The following SMG6 variants were observed in gnomAD, a reference collection of about 807,000 sequenced individuals.
The protein encoded by SMG6 is SMG6 nonsense mediated mRNA decay factor.
SMG6 carries 66 observed loss-of-function variants against 142.2 expected under a neutral mutation model. That is an observed-to-expected ratio of 0.46 (90% CI 0.38 to 0.57). The LOEUF (loss-of-function observed/expected upper bound fraction) is 0.57. SMG6 is among the 20% of genes least tolerant of loss of function. The pLI is 0.00. For synonymous variants in SMG6, 779 were observed against 702.4 expected, an observed-to-expected ratio of 1.11 and a Z score of -1.72; for missense variants, 1,793 against 1,832.0, an observed-to-expected ratio of 0.98 and a Z score of 0.39.
At chr17:2,285,670 T>C (rs953698241) in intron 6 of SMG6, among the ~76,000 whole-genome samples, 1 of 152,108 alleles carries the variant, frequency 6.6e-6, no homozygotes, top group Non-Finnish European at 1.5e-5. Flanking sequence ...GAGACCCTCT[T>C]TTCTTTTTTT....
In SMG6 at chr17:2,236,383, G is replaced by A. The variant is rs190881682; in HGVS notation, c.2869+109C>T. On this transcript the variant is annotated intron_variant, in intron 10 of 18. Coordinates refer to ENST00000263073, the MANE Select transcript of SMG6 (RefSeq NM_017575.5). ...AGCGTAGGGTAGGGTGTGTGTGTTC[G>A]GGGGTGGGGTGGGGGGAGGTAGGTA... 547 of 1,075,080 alleles carry A rather than the reference G, an allele frequency of 5.1e-4. 1 individual carries two copies. The East Asian group carries it at 6.8e-3, about 13-fold the overall frequency. The allele number at this position is 1,075,080 out of a possible 1,614,324, so 66.6% of individuals were successfully genotyped here.
chr17:2,110,155 G>A (rs916360627), intron 13 of SMG6, among the ~76,000 whole-genome samples: 2 of 148,870 alleles, frequency 1.3e-5, no homozygotes, highest in African/African-American at 4.9e-5. Flanking sequence ...TTAAGCTAAA[G>A]TCACTCTTGC....
chr17:2,230,963 A>G (rs995281417), intron 10 of SMG6, among the ~76,000 whole-genome samples: 1 of 152,194 alleles, frequency 6.6e-6, no homozygotes, highest in African/African-American at 2.4e-5. Context: ...TTGTAGAGAA[A>G]AAGCCCAAGG....
rs1406652410 is a variant in SMG6 at position 2,065,597 on chromosome 17, C to T, written c.3918G>A (p.Lys1306=). The stretch of plus-strand genomic sequence containing the variant: ...CGAGGAACTCGATGGACTTGCGGGC[C>T]TTCTCTTGTACCACACGGGCGTAGC... ...AGGYARVVQE[K]ARKSIEFLEQ... is the part of the protein sequence containing the mutation. The change falls in exon 17 of 19, where the codon AAG becomes AAA. Residue 1306 remains lysine, a synonymous_variant. Transcript: ENST00000263073. 6.2e-7 allele frequency: 1 copy of T among 1,614,120 alleles called. No homozygotes were observed. Among genetic ancestry groups the T allele is most frequent in the Non-Finnish European group, 8.5e-7 (1 of 1,180,042 alleles).
At chr17:2,191,951 C>T (rs2072177385) in intron 10 of SMG6, among the ~76,000 whole-genome samples, 1 of 152,340 alleles carries the variant, frequency 6.6e-6, no homozygotes, top group South Asian at 2.1e-4. Context: ...TGCTGGGAAA[C>T]ACAACACACT....
intron 10 of SMG6, among the ~76,000 whole-genome samples, chr17:2,226,941 A>C (rs544418796): frequency 8.5e-5 from 13 of 152,318 alleles, no homozygotes; most frequent in Admixed American, 4.6e-4. Flanking sequence ...AGATGTAAAC[A>C]CTTACCAAAG....
intron 8 of SMG6, among the ~76,000 whole-genome samples, chr17:2,276,514 A>G (rs1483723753): frequency 6.6e-6 from 1 of 151,994 alleles, no homozygotes; most frequent in Non-Finnish European, 1.5e-5. Flanking sequence ...CCTCCAGAGT[A>G]GCTGGGATTA....
At chr17:2,303,007 T>C (rs1427273033) in intron 1 of SMG6, 2 of 985,354 alleles carry the variant, frequency 2.0e-6, no homozygotes, top group Admixed American at 6.1e-5. Context: ...CTTAGAATCT[T>C]TCTTACTTTC....
intron 13 of SMG6, among the ~76,000 whole-genome samples, chr17:2,163,004 T>A (rs1054520563): frequency 1.3e-5 from 2 of 152,026 alleles, no homozygotes; most frequent in African/African-American, 2.4e-5. Flanking sequence ...ACTGATTTTT[T>A]AATTTTTTAT....
intron 13 of SMG6, among the ~76,000 whole-genome samples, chr17:2,142,705 G>A (rs1446854917): frequency 6.6e-6 from 1 of 151,824 alleles, no homozygotes; most frequent in South Asian, 2.1e-4. Context: ...CCAACATGGA[G>A]AAACCCCGTC....
intron 8 of SMG6, among the ~76,000 whole-genome samples, chr17:2,278,531 T>C (rs111824540): frequency 9.2e-5 from 14 of 152,294 alleles, no homozygotes; most frequent in African/African-American, 2.9e-4. Context: ...TACTGTTTAA[T>C]GTTGAGACAA....
intron 12 of SMG6, among the ~76,000 whole-genome samples, chr17:2,184,733 G>A (rs374091938): frequency 6.6e-6 from 1 of 150,628 alleles, no homozygotes; most frequent in South Asian, 2.1e-4. Context: ...GGGAGGCTGA[G>A]GCGGGTGGAT....
At position 2,301,013 on chromosome 17, in the gene SMG6, C is replaced by A. The variant is rs533927472; in HGVS notation, c.89-349G>T. 2.6e-5 allele frequency among the ~76,000 whole-genome samples: 4 copies of A among 152,312 alleles called. No individual in the cohort carries two copies. In the South Asian group the frequency reaches 8.3e-4, roughly 32 times the overall value. On this transcript the variant is annotated intron_variant, in intron 1 of 18. Coordinates refer to ENST00000263073, the MANE Select transcript of SMG6 (RefSeq NM_017575.5). The stretch of plus-strand genomic sequence containing the variant: ...ATTATTGTCAGAACAAAAGACCTCT[C>A]TAACCTTTTCAGCACTACACTGTTC...
intron 11 of SMG6, among the ~76,000 whole-genome samples, chr17:2,188,165 A>C (rs1406013561): frequency 6.6e-6 from 1 of 152,206 alleles, no homozygotes; most frequent in Non-Finnish European, 1.5e-5. Context: ...TAACTACTAA[A>C]GGAGAAAAGA....
intron 8 of SMG6, among the ~76,000 whole-genome samples, chr17:2,256,893 T>A (rs1468875208): frequency 1.3e-5 from 2 of 151,868 alleles, no homozygotes; most frequent in Non-Finnish European, 2.9e-5. Context: ...CACATCACTA[T>A]CTGTGAGAAT....
chr17:2,073,984 C>G (rs2068187311), intron 15 of SMG6, among the ~76,000 whole-genome samples: 1 of 151,984 alleles, frequency 6.6e-6, no homozygotes, highest in Non-Finnish European at 1.5e-5. Flanking sequence ...GAGGCTGAGG[C>G]AGGAGAATCG....
intron 8 of SMG6, among the ~76,000 whole-genome samples, chr17:2,278,543 G>T (rs1344004252): frequency 2.0e-5 from 3 of 152,078 alleles, no homozygotes; most frequent in Non-Finnish European, 4.4e-5. Context: ...TTGAGACAAT[G>T]AATTGTTATT....
At chr17:2,268,094 G>A (rs1379211276) in intron 8 of SMG6, among the ~76,000 whole-genome samples, 9 of 151,848 alleles carry the variant, frequency 5.9e-5, no homozygotes, top group African/African-American at 1.7e-4. Flanking sequence ...TATTAGAGAC[G>A]GCATCTCATT....
At chr17:2,145,161 G>A (rs1045824057) in intron 13 of SMG6, among the ~76,000 whole-genome samples, 1 of 151,960 alleles carries the variant, frequency 6.6e-6, no homozygotes, top group African/African-American at 2.4e-5. Context: ...CTGTTGCCCA[G>A]GCTGATCAGT....
Sources: allele counts gnomAD v4.1 joint callset (sites outside exome capture counted in the v4.1 genomes callset), GRCh38; gene constraint gnomAD v4.1.1; transcripts MANE v1.5; gene names NCBI Gene and HGNC (gene_info 2026-07-23, HGNC 2026-07-21).